PEBP4: variants seen among roughly 807,000 people sequenced by gnomAD.
PEBP4 encodes phosphatidylethanolamine binding protein 4.
A neutral mutation model predicts 23.9 loss-of-function variants in PEBP4; 22 were observed. The observed-to-expected ratio is 0.92, with a 90% CI of 0.66 to 1.31. PEBP4 has a LOEUF of 1.31. Among genes scored for constraint, PEBP4 ranks in the 40% most tolerant of loss-of-function variants. The pLI is 0.00. For missense variants in PEBP4, 324 were observed against 281.7 expected, an observed-to-expected ratio of 1.15 and a Z score of -1.07; for synonymous variants, 112 against 99.3, an observed-to-expected ratio of 1.13 and a Z score of -0.76.
At chr8:22,809,160 G>A (rs990763868) in intron 4 of PEBP4, among the ~76,000 whole-genome samples, 14 of 152,196 alleles carry the variant, frequency 9.2e-5, no homozygotes, top group African/African-American at 2.9e-4. Flanking sequence ...AGCACCAGGT[G>A]CTACGTGCTG....
chr8:22,795,163 ATTTTTTTTTTTTTTT>A (rs33911395), intron 4 of PEBP4, among the ~76,000 whole-genome samples: 106 of 47,286 alleles, frequency 2.2e-3, no homozygotes, highest in East Asian at 3.2e-3. Flanking sequence ...ATATATATAT[ATTTTTTTTTTTTTTT>A]TTTTTTTTTT....
At chr8:22,813,938 T>A (rs958234177) in intron 4 of PEBP4, among the ~76,000 whole-genome samples, 1 of 152,204 alleles carries the variant, frequency 6.6e-6, no homozygotes, top group African/African-American at 2.4e-5. Flanking sequence ...ATTCCTTCCT[T>A]GGTCTCTAGA....
In PEBP4 at chr8:22,915,462, C is replaced by T. The variant is rs115294332; in HGVS notation, c.258+4722G>A. On this transcript the variant is annotated intron_variant, in intron 3 of 6. Coordinates refer to ENST00000256404, the MANE Select transcript of PEBP4 (RefSeq NM_144962.3). ...CTCCCATCTGTCCCTTGCTGGGTCC[C>T]GGCTCACTGACACCCTGTGTCCCCA... Among the ~76,000 whole-genome samples the T allele has an allele frequency of 1.9e-3, 296 of 152,002 alleles. 1 individual carries two copies. The highest frequency in any genetic ancestry group is 6.7e-3 in the African/African-American group (278 of 41,432).
At chr8:22,717,450 TGATGTATTTCCATCC>T in intron 6 of PEBP4, among the ~76,000 whole-genome samples, 1 of 57,788 alleles carries the variant, frequency 1.7e-5, no homozygotes. Context: ...ATTTCCGTCC[TGATGTATTTCCATCC>T]TGATGTACTT....
At chr8:22,771,316 C>T (rs1236744393) in intron 4 of PEBP4, among the ~76,000 whole-genome samples, 1 of 152,108 alleles carries the variant, frequency 6.6e-6, no homozygotes, top group East Asian at 1.9e-4. Flanking sequence ...TGGTGAAACC[C>T]TGTTTCTACT....
At chr8:22,830,105 C>T (rs1450395388) in intron 3 of PEBP4, among the ~76,000 whole-genome samples, 1 of 135,684 alleles carries the variant, frequency 7.4e-6, no homozygotes, top group South Asian at 2.5e-4. Context: ...GGGTCCTAGG[C>T]TGTGGTTTTG....
intron 3 of PEBP4, among the ~76,000 whole-genome samples, chr8:22,840,562 T>C (rs978131660): frequency 2.6e-5 from 4 of 152,058 alleles, no homozygotes; most frequent in Non-Finnish European, 5.9e-5. Context: ...TGTTAGGGAA[T>C]TGGAAGGGTG....
intron 4 of PEBP4, among the ~76,000 whole-genome samples, chr8:22,773,917 C>T (rs2128754293): frequency 6.6e-6 from 1 of 152,318 alleles, no homozygotes; most frequent in African/African-American, 2.4e-5. Flanking sequence ...AGAAGGTGAA[C>T]TCCGTGCAGT....
intron 2 of PEBP4, among the ~76,000 whole-genome samples, chr8:22,926,389 G>C (rs1809333837): frequency 6.6e-6 from 1 of 152,138 alleles, no homozygotes; most frequent in Non-Finnish European, 1.5e-5. Flanking sequence ...CTGTTGCCCA[G>C]GCTGGAATGC....
rs111763845 is a variant in PEBP4, at chr8:22,825,833, G to A, written c.259-8098C>T. ...TGGATAAAGAAAATGTAGTATATCC[G>A]TACAATGGAACACTATTCAGCCTTA... On this transcript the variant is annotated intron_variant, in intron 3 of 6. Coordinates refer to ENST00000256404, the MANE Select transcript of PEBP4 (RefSeq NM_144962.3). Among the ~76,000 whole-genome samples, 1,285 of 152,328 alleles carry A rather than the reference G, an allele frequency of 8.4e-3. 18 individuals carry two copies. Among genetic ancestry groups the A allele is most frequent in the African/African-American group, 0.029 (1,200 of 41,554 alleles).
intron 4 of PEBP4, among the ~76,000 whole-genome samples, chr8:22,763,189 G>A (rs1805545698): frequency 6.6e-6 from 1 of 152,094 alleles, no homozygotes; most frequent in Admixed American, 6.6e-5. Context: ...ATTTTTAGTA[G>A]AGACAGGGTT....
At chr8:22,810,654 G>A (rs1447584894) in intron 4 of PEBP4, among the ~76,000 whole-genome samples, 1 of 149,474 alleles carries the variant, frequency 6.7e-6, no homozygotes, top group Non-Finnish European at 1.5e-5. Context: ...TTCCCTTTGG[G>A]GTGTCTCATG....
At chr8:22,800,868 C>T (rs11778108) in intron 4 of PEBP4, among the ~76,000 whole-genome samples, 1 of 152,164 alleles carries the variant, frequency 6.6e-6, no homozygotes, top group Non-Finnish European at 1.5e-5. Context: ...CTTTCATAAC[C>T]TAGGAACAGT....
At chr8:22,780,054 T>C (rs1805884997) in intron 4 of PEBP4, among the ~76,000 whole-genome samples, 1 of 151,878 alleles carries the variant, frequency 6.6e-6, no homozygotes. Flanking sequence ...GCTCAGGTGA[T>C]CCTCCCACCT....
intron 2 of PEBP4, chr8:22,925,130 C>G: frequency 2.0e-6 from 2 of 985,376 alleles, no homozygotes; most frequent in African/African-American, 3.5e-5. Context: ...ATTTCATCAT[C>G]ATTCATGATG....
At position 22,760,912 on chromosome 8, in the gene PEBP4, T is replaced by C. The variant is rs1299489496; in HGVS notation, c.358-33692A>G. ...TGTCTCTGAGCCTTGCTGGCATTCT[T>C]TGGGTCTAGGGTGTTCAAGGAGGTT... On this transcript the variant is annotated intron_variant, in intron 4 of 6. Coordinates refer to ENST00000256404, the MANE Select transcript of PEBP4 (RefSeq NM_144962.3). 2.6e-5 allele frequency among the ~76,000 whole-genome samples: 4 copies of C among 152,294 alleles called. No individual in the cohort carries two copies. The East Asian group carries it at 7.7e-4, about 29-fold the overall frequency.
At chr8:22,763,679 G>C (rs1805555293) in intron 4 of PEBP4, among the ~76,000 whole-genome samples, 1 of 152,138 alleles carries the variant, frequency 6.6e-6, no homozygotes, top group Admixed American at 6.6e-5. Flanking sequence ...GGCTAATTAA[G>C]GTTAGCTATC....
chr8:22,743,701 C>A (rs902530130), intron 4 of PEBP4, among the ~76,000 whole-genome samples: 1 of 152,162 alleles, frequency 6.6e-6, no homozygotes, highest in African/African-American at 2.4e-5. Context: ...GTGCATCCAC[C>A]CTGATTCTTA....
At chr8:22,780,179 G>A (rs1052146235) in intron 4 of PEBP4, among the ~76,000 whole-genome samples, 1 of 152,096 alleles carries the variant, frequency 6.6e-6, no homozygotes. Flanking sequence ...GCTCAGGCTG[G>A]TCTCAAACTC....
Sources: allele counts gnomAD v4.1 joint callset (sites outside exome capture counted in the v4.1 genomes callset), GRCh38; gene constraint gnomAD v4.1.1; transcripts MANE v1.5; gene names NCBI Gene and HGNC (gene_info 2026-07-23, HGNC 2026-07-21).